The following CLMP variants were observed in gnomAD, a reference collection of about 807,000 sequenced individuals.
CLMP encodes CXADR like cell adhesion molecule.
CLMP carries 27 observed loss-of-function variants against 45.2 expected under a neutral mutation model. The observed-to-expected ratio is 0.60, with a 90% CI of 0.44 to 0.82. The LOEUF is 0.82. Among genes scored for constraint, CLMP ranks in the 40% least tolerant of loss-of-function variants. The probability of loss-of-function intolerance (pLI) is 0.00; values close to 1 mark genes in which losing one functional copy is unlikely to be tolerated. For missense variants in CLMP, 403 were observed against 448.4 expected (o/e 0.90, Z 0.91); for synonymous variants, 167 against 171.4 (o/e 0.97, Z 0.20).
chr11:123,159,767 T>A (rs1457605436), intron 1 of CLMP, among the ~76,000 whole-genome samples: 1 of 152,166 alleles, frequency 6.6e-6, no homozygotes, highest in Non-Finnish European at 1.5e-5. Context: ...TCTCTGCCAA[T>A]CCTCTCAGTC....
intron 1 of CLMP, among the ~76,000 whole-genome samples, chr11:123,129,729 T>A (rs984091075): frequency 1.4e-5 from 2 of 145,158 alleles, no homozygotes; most frequent in Non-Finnish European, 3.0e-5. Flanking sequence ...ATAGATATAG[T>A]TCAGTACCAC....
chr11:123,134,579 G>T (rs144356523), intron 1 of CLMP, among the ~76,000 whole-genome samples: 2,632 of 151,862 alleles, frequency 0.017, 86 homozygotes, highest in African/African-American at 0.06. Flanking sequence ...GGCTGAGGCG[G>T]GGGTGGGGGA....
intron 5 of CLMP, among the ~76,000 whole-genome samples, chr11:123,081,776 C>T (rs12417502): frequency 3.3e-5 from 5 of 150,976 alleles, no homozygotes; most frequent in South Asian, 2.1e-4. Flanking sequence ...GCAGGAGAGT[C>T]GCTTGAACCC....
chr11:123,150,229 C>G (rs543710795), intron 1 of CLMP, among the ~76,000 whole-genome samples: 2 of 144,972 alleles, frequency 1.4e-5, no homozygotes, highest in East Asian at 2.0e-4. Flanking sequence ...CACACACACA[C>G]AGGGATTAGA....
chr11:123,156,603 C>T (rs1861418904), intron 1 of CLMP, among the ~76,000 whole-genome samples: 1 of 152,182 alleles, frequency 6.6e-6, no homozygotes, highest in African/African-American at 2.4e-5. Context: ...TTGTCCCAAG[C>T]ATTAAAGCCC....
At chr11:123,115,285 C>T (rs1175345841) in intron 1 of CLMP, among the ~76,000 whole-genome samples, 2 of 151,932 alleles carry the variant, frequency 1.3e-5, no homozygotes, top group Non-Finnish European at 1.5e-5. Context: ...TGGGCTCAAG[C>T]GATCCTCTTT....
intron 1 of CLMP, among the ~76,000 whole-genome samples, chr11:123,185,067 A>G (rs953435683): frequency 6.6e-6 from 1 of 152,102 alleles, no homozygotes; most frequent in Non-Finnish European, 1.5e-5. Context: ...GATGGGAGGG[A>G]GCTGGTCAGG....
intron 3 of CLMP, among the ~76,000 whole-genome samples, 185 bp downstream of exon 3, chr11:123,084,327 A>G (rs1296608586): frequency 6.6e-6 from 1 of 152,160 alleles, no homozygotes; most frequent in Non-Finnish European, 1.5e-5. Flanking sequence ...TTATATTTTC[A>G]TTTTTTATTA....
chr11:123,133,516 A>G (rs1861021943), intron 1 of CLMP, among the ~76,000 whole-genome samples: 1 of 152,088 alleles, frequency 6.6e-6, no homozygotes, highest in Non-Finnish European at 1.5e-5. Flanking sequence ...CTTGGCTATA[A>G]ACTTCCACTT....
chr11:123,184,058 T>C (rs1180509086), intron 1 of CLMP, among the ~76,000 whole-genome samples: 1 of 152,202 alleles, frequency 6.6e-6, no homozygotes, highest in African/African-American at 2.4e-5. Context: ...TGTGCTAACA[T>C]AGGGATAAGC....
chr11:123,099,511 T>A (rs1235564559), intron 1 of CLMP, among the ~76,000 whole-genome samples: 1 of 152,214 alleles, frequency 6.6e-6, no homozygotes, highest in East Asian at 1.9e-4. Flanking sequence ...ATGTAAATCA[T>A]CTAGCATAGT....
At chr11:123,097,240 A>G (rs1347858986) in intron 2 of CLMP, among the ~76,000 whole-genome samples, 1 of 151,960 alleles carries the variant, frequency 6.6e-6, no homozygotes, top group African/African-American at 2.4e-5. Flanking sequence ...ATCATAGCTC[A>G]CTGCAGCCTG....
chr11:123,079,647 A>G (rs1044150791), intron 5 of CLMP, among the ~76,000 whole-genome samples: 5 of 152,096 alleles, frequency 3.3e-5, no homozygotes, highest in African/African-American at 1.2e-4. Context: ...GGGTTTCACC[A>G]TGCTGGCCAG....
chr11:123,096,933 G>A lies in CLMP; in HGVS notation c.186+862C>T, dbSNP rs191573750. 2.7e-5 allele frequency among the ~76,000 whole-genome samples: 4 copies of A among 150,406 alleles called. No homozygotes were observed. The East Asian group carries it at 6.1e-4, about 23-fold the overall frequency. The stretch of plus-strand genomic sequence containing the variant: ...TCAAGCGATCCTTCTGCACTCAGGC[G>A]ATCCTCCTGCACTCAAGCGATCCTC... On this transcript the variant is annotated intron_variant, in intron 2 of 6. Coordinates refer to ENST00000448775, the MANE Select transcript of CLMP (RefSeq NM_024769.5).
chr11:123,111,340 T>C (rs1390293595), intron 1 of CLMP, among the ~76,000 whole-genome samples: 1 of 152,148 alleles, frequency 6.6e-6, no homozygotes, highest in Admixed American at 6.6e-5. Context: ...CGTGTTGGCC[T>C]GGCTGGCATG....
chr11:123,107,802 T>TG (rs1860581445), intron 1 of CLMP, among the ~76,000 whole-genome samples: 1 of 140,878 alleles, frequency 7.1e-6, no homozygotes, highest in African/African-American at 2.6e-5. Context: ...TGCTCTCTCC[T>TG]ATTTTTTTTT....
chr11:123,139,922 G>A (rs1173991772), intron 1 of CLMP, among the ~76,000 whole-genome samples: 2 of 152,166 alleles, frequency 1.3e-5, no homozygotes, highest in African/African-American at 2.4e-5. Context: ...CTGTCTGTCC[G>A]ATGGCGATAA....
chr11:123,146,152 C>A lies in CLMP; in HGVS notation c.29-48200G>T, dbSNP rs114141373. On this transcript the variant is annotated intron_variant, in intron 1 of 6. Transcript: ENST00000448775. ...CTGCAGAACCAAGATGCTGGCACAC[C>A]TCCAGGCATCATTTCTTCTCAGTTC... Among the ~76,000 whole-genome samples the A allele has an allele frequency of 7.0e-4, 107 of 152,268 alleles. 2 individuals carry two copies. Among genetic ancestry groups the A allele is most frequent in the African/African-American group, 2.4e-3 (101 of 41,540 alleles).
chr11:123,082,984 G>T, intron 5 of CLMP, 101 bp downstream of exon 5: 1 of 1,400,042 alleles, frequency 7.1e-7, no homozygotes, highest in Non-Finnish European at 9.8e-7. Flanking sequence ...TAAAGATTTT[G>T]ACCTTAACCT....
Sources: allele counts gnomAD v4.1 joint callset (sites outside exome capture counted in the v4.1 genomes callset), GRCh38; gene constraint gnomAD v4.1.1; transcripts MANE v1.5; gene names NCBI Gene and HGNC (gene_info 2026-07-23, HGNC 2026-07-21).